MEGF9: variants seen among roughly 807,000 people sequenced by gnomAD.
MEGF9 encodes multiple EGF like domains 9.
A neutral mutation model predicts 46.8 loss-of-function variants in MEGF9; 6 were observed. The observed-to-expected ratio is 0.13, with a 90% confidence interval of 0.07 to 0.25. The LOEUF (loss-of-function observed/expected upper bound fraction) is 0.25. MEGF9 is among the 10% of genes least tolerant of loss of function. The probability of loss-of-function intolerance (pLI) is 1.00; values close to 1 mark genes in which losing one functional copy is unlikely to be tolerated. For synonymous variants in MEGF9, 302 were observed against 330.7 expected (o/e 0.91, Z 0.94); for missense variants, 683 against 792.4 (o/e 0.86, Z 1.66).
chr9:120,709,570 T>A (rs1239454276), intron 1 of MEGF9, among the ~76,000 whole-genome samples: 2 of 152,144 alleles, frequency 1.3e-5, no homozygotes, highest in Non-Finnish European at 2.9e-5. Context: ...CTGTAAGAGC[T>A]GTCATGGCAC....
intron 2 of MEGF9, among the ~76,000 whole-genome samples, chr9:120,654,678 A>G (rs7037726): frequency 0.04 from 6,026 of 152,272 alleles, 416 homozygotes; most frequent in African/African-American, 0.14. Flanking sequence ...ATTTTTAAAA[A>G]GTTAACTAGA....
chr9:120,705,097 A>G (rs745510378), intron 1 of MEGF9, among the ~76,000 whole-genome samples: 6 of 152,300 alleles, frequency 3.9e-5, no homozygotes, highest in African/African-American at 7.2e-5. Flanking sequence ...AGAAGACCCC[A>G]GTGGAAAAAG....
At chr9:120,624,272 C>T (rs970293947) in intron 2 of MEGF9, among the ~76,000 whole-genome samples, 7 of 151,908 alleles carry the variant, frequency 4.6e-5, no homozygotes, top group African/African-American at 1.2e-4. Flanking sequence ...TCATTTAGTC[C>T]CCTAGGCTGC....
At chr9:120,646,246 C>T (rs113636097) in intron 2 of MEGF9, among the ~76,000 whole-genome samples, 4,241 of 152,182 alleles carry the variant, frequency 0.028, 225 homozygotes, top group African/African-American at 0.098. Context: ...ACTCTGCCTC[C>T]AATCTCTCCC....
rs543135264 is a variant in MEGF9, at chr9:120,706,010, A to G, written c.601+7748T>C. ...TATCATCTAACACTGTCTTTCAGCT[A>G]AACAAGGTCTTACATTTTTATTTTC... On this transcript the variant is annotated intron_variant, in intron 1 of 5. Transcript: ENST00000373930. Among the ~76,000 whole-genome samples, 12 of 152,304 alleles carry G rather than the reference A, an allele frequency of 7.9e-5. No individual in the cohort carries two copies. In the East Asian group the frequency reaches 2.3e-3, roughly 29 times the overall value.
intron 2 of MEGF9, among the ~76,000 whole-genome samples, chr9:120,642,469 C>T (rs1468338333): frequency 6.6e-6 from 1 of 152,130 alleles, no homozygotes. Context: ...AATTTAGCTG[C>T]TAAGAACAAA....
intron 1 of MEGF9, among the ~76,000 whole-genome samples, chr9:120,667,648 T>C (rs2043730980): frequency 6.6e-6 from 1 of 152,130 alleles, no homozygotes; most frequent in Admixed American, 6.5e-5. Context: ...GATTTCTGAA[T>C]TGAAAAGGAA....
intron 3 of MEGF9, among the ~76,000 whole-genome samples, chr9:120,621,479 G>C (rs1207187545): frequency 6.6e-6 from 1 of 152,108 alleles, no homozygotes; most frequent in Non-Finnish European, 1.5e-5. Flanking sequence ...TAATTCACAT[G>C]TTGTATTTTT....
Position 120,714,337 on chromosome 9 carries a change from C to G in MEGF9, c.22G>C (p.Ala8Pro). 1 of 1,343,588 alleles carries G rather than the reference C, an allele frequency of 7.4e-7. No individual in the cohort carries two copies. The highest frequency in any genetic ancestry group is 9.6e-7 in the Non-Finnish European group (1 of 1,045,878). The allele number at this position is 1,343,588 out of a possible 1,614,324, so 83.2% of individuals were successfully genotyped here. A position where few individuals can be genotyped will look rare whatever the true frequency, so the allele number is the denominator to read the frequency against. ...CCCAGGCTCGGCAGGCTCCTCATGG[C>G]GCGCTCGGCTCCGCCATTCATTCAT... Reference protein sequence around the residue: MNGGAERAMRSLPSLGGL... With the variant: MNGGAERPMRSLPSLGGL... The change falls in exon 1 of 6, where the codon GCC becomes CCC. Residue 8 changes from alanine (A) to proline (P), a missense_variant. Ala to Pro is a conservative substitution (Grantham distance 27). This residue lies in a region of MEGF9 where 370 missense variants were observed against 371.3 expected (regional missense o/e 1.00). Coordinates refer to ENST00000373930, the MANE Select transcript of MEGF9 (RefSeq NM_001080497.3).
intron 2 of MEGF9, among the ~76,000 whole-genome samples, chr9:120,640,356 T>A (rs1157429548): frequency 6.6e-6 from 1 of 152,178 alleles, no homozygotes; most frequent in African/African-American, 2.4e-5. Context: ...TCTAATGTCA[T>A]ATTCTCAACA....
At chr9:120,676,119 T>C (rs1359297084) in intron 1 of MEGF9, among the ~76,000 whole-genome samples, 2 of 152,020 alleles carry the variant, frequency 1.3e-5, no homozygotes, top group African/African-American at 4.8e-5. Flanking sequence ...AATGCATCAA[T>C]AACTGGCAGC....
At chr9:120,659,669 A>G (rs1353402909) in intron 1 of MEGF9, 94 bp from the exon 2 acceptor site, 1 of 1,054,202 alleles carries the variant, frequency 9.5e-7, no homozygotes, top group Non-Finnish European at 1.3e-6. Flanking sequence ...ATAAATTTTC[A>G]TGACAACTTT....
Position 120,605,179 on chromosome 9 carries a change from G to C in MEGF9, c.*11C>G. ...CACTGTGGTTTAACAATTCAGAACAGTTCTAGCTCCTTAGGCTTTGTAGTT... is the reference window on the plus strand; with the variant it reads ...CACTGTGGTTTAACAATTCAGAACACTTCTAGCTCCTTAGGCTTTGTAGTT... On this transcript the variant is annotated 3_prime_UTR_variant, in exon 6 of 6. Transcript: ENST00000373930. The surrounding 1 kb of genome is among the most constrained non-coding windows in gnomAD (Gnocchi z 4.0). 6.2e-7 allele frequency: 1 copy of C among 1,605,818 alleles called. No homozygotes were observed. Among genetic ancestry groups the C allele is most frequent in the Non-Finnish European group, 8.5e-7 (1 of 1,175,700 alleles).
chr9:120,639,424 C>T (rs2043592483), intron 2 of MEGF9, among the ~76,000 whole-genome samples: 1 of 149,272 alleles, frequency 6.7e-6, no homozygotes, highest in African/African-American at 2.5e-5. Context: ...AGGAGAATCA[C>T]TTGAATCCGG....
chr9:120,694,300 C>T (rs1338476205), intron 1 of MEGF9, among the ~76,000 whole-genome samples: 1 of 152,184 alleles, frequency 6.6e-6, no homozygotes, highest in Non-Finnish European at 1.5e-5. Flanking sequence ...TTAACCTCAT[C>T]TTAGATTCAG....
At chr9:120,630,162 A>G (rs138963273) in intron 2 of MEGF9, among the ~76,000 whole-genome samples, 1 of 152,282 alleles carries the variant, frequency 6.6e-6, no homozygotes, top group African/African-American at 2.4e-5. Flanking sequence ...ATATCTGTTA[A>G]CCAACCTTTG....
At position 120,608,277 on chromosome 9, in the gene MEGF9, C is replaced by T. The variant is rs951475835; in HGVS notation, c.1088-267G>A. ...ATTAATTAAACTAATAATCTATAAT[C>T]TATTTACTAATTTTCCAGCTTATTG... On this transcript the variant is annotated intron_variant, in intron 4 of 5. Coordinates refer to ENST00000373930, the MANE Select transcript of MEGF9 (RefSeq NM_001080497.3). 1.1e-4 allele frequency among the ~76,000 whole-genome samples: 17 copies of T among 152,230 alleles called. No homozygotes were observed. In the East Asian group the frequency reaches 3.3e-3, roughly 29 times the overall value.
In MEGF9 at chr9:120,677,260, T is replaced by C. The variant is rs551042949; in HGVS notation, c.602-17685A>G. Among the ~76,000 whole-genome samples, 3 of 152,136 alleles carry C rather than the reference T, an allele frequency of 2.0e-5. No individual in the cohort carries two copies. The East Asian group carries it at 5.8e-4, about 29-fold the overall frequency. ...CCTCCCACCTCAGCTTCCCAAGTAG[T>C]TGGGACTACAGGCGTGCACCACCAT... On this transcript the variant is annotated intron_variant, in intron 1 of 5. Coordinates refer to ENST00000373930, the MANE Select transcript of MEGF9 (RefSeq NM_001080497.3).
chr9:120,611,650 G>C (rs183202695), intron 4 of MEGF9, among the ~76,000 whole-genome samples: 1 of 152,142 alleles, frequency 6.6e-6, no homozygotes, highest in East Asian at 1.9e-4. Flanking sequence ...GTTGGGGGAG[G>C]TGATGAAAAC....
Sources: gnomAD v4.1 joint callset for allele counts (sites outside exome capture counted in the v4.1 genomes callset) on GRCh38, gnomAD v4.1.1 for gene constraint, gnomAD v4.1.1 regional missense constraint, Gnocchi (gnomAD v3.1) non-coding constraint, MANE v1.5 for transcripts, NCBI Gene and HGNC (gene_info 2026-07-23, HGNC 2026-07-21) for gene names.